Variants in KLHL23 observed in about 807,000 individuals in gnomAD.
KLHL23 encodes kelch-like protein 23.
In KLHL23, 33 loss-of-function variants were observed where a neutral mutation model predicts 48.9. The ratio of observed to expected loss-of-function variants is 0.67; its 90% CI spans 0.51 to 0.90. The LOEUF (loss-of-function observed/expected upper bound fraction) is 0.90, where lower values mean the gene tolerates loss of function less well. Ranked by LOEUF, KLHL23 falls within the 40% of genes least tolerant of loss-of-function variation. KLHL23 has a pLI of 0.00. For missense variants in KLHL23, 608 were observed against 669.6 expected, an observed-to-expected ratio of 0.91 and a Z score of 1.02; for synonymous variants, 234 against 231.6, an observed-to-expected ratio of 1.01 and a Z score of -0.09.
intron 2 of KLHL23, among the ~76,000 whole-genome samples, chr2:169,736,679 C>T (rs993031492): frequency 1.3e-5 from 2 of 151,986 alleles, no homozygotes; most frequent in African/African-American, 2.4e-5. Context: ...AGACACCATA[C>T]TCTCCCTCAT....
rs1476144803 is a variant in KLHL23 at position 169,749,712 on chromosome 2, G to C, written c.1657G>C (p.Val553Leu). The change falls in exon 4 of 4, where the codon GTT (valine) becomes CTT (leucine). Residue 553 changes from valine to leucine, a missense_variant. This residue lies in a region of KLHL23 where 179 missense variants were observed against 169.9 expected (regional missense o/e 1.05). Transcript: ENST00000392647. ...LPSAMRSHGCVCVYNV is the reference protein window; with the variant it reads ...LPSAMRSHGCLCVYNV Reference sequence around the variant, plus strand: ...CAGTGCCATGCGGTCTCATGGGTGTGTTTGTGTGTATAATGTCTAATTGAA... The same window carrying C: ...CAGTGCCATGCGGTCTCATGGGTGTCTTTGTGTGTATAATGTCTAATTGAA... The C allele has an allele frequency of 6.2e-7, 1 of 1,606,002 alleles. No individual in the cohort carries two copies. Among genetic ancestry groups the C allele is most frequent in the South Asian group, 1.1e-5 (1 of 90,708 alleles).
intron 3 of KLHL23, among the ~76,000 whole-genome samples, chr2:169,743,972 C>T (rs1688734189): frequency 6.6e-6 from 1 of 152,146 alleles, no homozygotes; most frequent in African/African-American, 2.4e-5. Context: ...GAAGAAATGA[C>T]TACTATTATT....
chr2:169,749,715 T>A lies in KLHL23; in HGVS notation c.1660T>A (p.Cys554Ser), dbSNP rs769757104. 3 of 1,605,924 alleles carry A rather than the reference T, an allele frequency of 1.9e-6. No homozygotes were observed. The change falls in exon 4 of 4, where the codon TGT (cysteine) becomes AGT (serine). Residue 554 changes from cysteine (C) to serine (S), a missense_variant. Around this residue, in one of 3 missense-constraint regions of KLHL23, gnomAD observed 179 missense variants for 169.9 expected, o/e 1.05. Coordinates refer to ENST00000392647, the MANE Select transcript of KLHL23 (RefSeq NM_144711.6). ...TGCCATGCGGTCTCATGGGTGTGTT[T>A]GTGTGTATAATGTCTAATTGAATCT... Reference protein sequence around the residue: ...PSAMRSHGCVCVYNV With the variant: ...PSAMRSHGCVSVYNV
Position 169,735,285 on chromosome 2 carries a change from C to T in KLHL23, c.271C>T (p.Leu91Phe), listed in dbSNP as rs986296868. Residue 91 changes from leucine (L) to phenylalanine (F), a missense_variant, in exon 2 of 4, where the codon CTT becomes TTT. Around this residue, in one of 3 missense-constraint regions of KLHL23, gnomAD observed 419 missense variants for 473.1 expected, o/e 0.89. Transcript: ENST00000392647. This position sits in a 1 kb window ranked among gnomAD's most constrained non-coding sequence, Gnocchi z 4.5. The part of the protein sequence containing the change: ...SGIHHDILEG[L>F]VNYAYTSQIE... Reference sequence around the variant, plus strand: ...CATCCACCATGATATTCTGGAAGGCCTTGTAAATTATGCATACACTTCCCA... The same window carrying T: ...CATCCACCATGATATTCTGGAAGGCTTTGTAAATTATGCATACACTTCCCA... 2 of 1,612,560 alleles carry T rather than the reference C, an allele frequency of 1.2e-6. No individual in the cohort carries two copies. The highest frequency in any genetic ancestry group is 2.2e-5 in the East Asian group (1 of 44,876).
At chr2:169,743,906 A>G (rs1336360439) in intron 3 of KLHL23, among the ~76,000 whole-genome samples, 1 of 152,232 alleles carries the variant, frequency 6.6e-6, no homozygotes, top group African/African-American at 2.4e-5. Context: ...GTACCTCCTG[A>G]GGAATTAAAA....
At position 169,741,407 on chromosome 2, in the gene KLHL23, T is replaced by C; in HGVS notation, c.1236T>C (p.Cys412=). ...TAGGTGTGGGAAATGCTACTGCCTG[T>C]GTCTTACATGATGTTATCTACGTCA... is the stretch of plus-strand genomic sequence containing the variant. ...MIKGVGNATA[C]VLHDVIYVIG... The change falls in exon 3 of 4, where the codon TGT becomes TGC. Residue 412 remains cysteine (C), a synonymous_variant. Transcript: ENST00000392647. The C allele has an allele frequency of 6.2e-7, 1 of 1,612,664 alleles. No homozygotes were observed. Among genetic ancestry groups the C allele is most frequent in the East Asian group, 2.2e-5 (1 of 44,864 alleles).
Position 169,749,660 on chromosome 2 carries a change from T to C in KLHL23, c.1605T>C (p.Asn535=), listed in dbSNP as rs778515711. ...QSIEKYDPDL[N]KWEIVGNLPS... ...TTGAGAAATATGATCCAGATCTTAA[T>C]AAGTGGGAAATAGTGGGTAATCTTC... is the stretch of plus-strand genomic sequence containing the variant. The change falls in exon 4 of 4, where the codon AAT becomes AAC. Residue 535 remains asparagine, a synonymous_variant. Coordinates refer to ENST00000392647, the MANE Select transcript of KLHL23 (RefSeq NM_144711.6). The C allele has an allele frequency of 1.4e-5, 22 of 1,613,958 alleles. No homozygotes were observed. In the South Asian group the frequency reaches 2.3e-4, roughly 17 times the overall value.
chr2:169,742,009 C>T (rs923509136), intron 3 of KLHL23, among the ~76,000 whole-genome samples: 9 of 152,186 alleles, frequency 5.9e-5, no homozygotes, highest in Admixed American at 5.9e-4. Flanking sequence ...CTACAATGTG[C>T]AGAGCCATAT....
intron 3 of KLHL23, among the ~76,000 whole-genome samples, chr2:169,749,004 T>C (rs1261375234): frequency 6.6e-6 from 1 of 152,118 alleles, no homozygotes; most frequent in African/African-American, 2.4e-5. Flanking sequence ...TTGCCTGCCA[T>C]TGGTTAAGGA....
intron 2 of KLHL23, among the ~76,000 whole-genome samples, chr2:169,740,638 C>G (rs1419772360): frequency 6.6e-6 from 1 of 150,676 alleles, no homozygotes; most frequent in African/African-American, 2.4e-5. Flanking sequence ...TTAGTAGAGA[C>G]GGGGTTTCAC....
chr2:169,750,649 TACTG>T lies in KLHL23; in HGVS notation c.*921_*924del, dbSNP rs1265489147. ...GTGTAATTTATTGTTACTCTCTATT[TACTG>T]ACTACCAGAGATATACAAAATACTG... On this transcript the variant is annotated 3_prime_UTR_variant, in exon 4 of 4. Transcript: ENST00000392647. 3 of 152,216 alleles carry T rather than the reference TACTG, an allele frequency of 2.0e-5. No individual in the cohort carries two copies. The highest frequency in any genetic ancestry group is 6.5e-5 in the Admixed American group (1 of 15,284). 9.4% of individuals were successfully genotyped at this position (152,216 alleles called of 1,614,324 possible).
chr2:169,742,318 A>G (rs1688694164), intron 3 of KLHL23, among the ~76,000 whole-genome samples: 2 of 152,340 alleles, frequency 1.3e-5, no homozygotes, highest in African/African-American at 4.8e-5. Flanking sequence ...AGGACTAGTA[A>G]TACTTACCAT....
intron 3 of KLHL23, among the ~76,000 whole-genome samples, chr2:169,746,558 G>A (rs1688797461): frequency 6.6e-6 from 1 of 152,220 alleles, no homozygotes; most frequent in African/African-American, 2.4e-5. Context: ...GGAGCACAGT[G>A]AGCAAGGCAC....
intron 3 of KLHL23, among the ~76,000 whole-genome samples, chr2:169,747,698 G>A (rs1574529538): frequency 6.6e-6 from 1 of 150,510 alleles, no homozygotes; most frequent in Non-Finnish European, 1.5e-5. Flanking sequence ...TGGGACACAA[G>A]CGTACAAAGT....
rs1491072053 is a variant in KLHL23, at chr2:169,749,973, A to ATATATACGTATGTATGTATACATATG, written c.*242_*243insATATACGTATGTATGTATACATATGT. 8.4e-6 allele frequency: 1 copy of ATATATACGTATGTATGTATACATATG among 118,914 alleles called. No homozygotes were observed. The highest frequency in any genetic ancestry group is 4.6e-5 in the African/African-American group (1 of 21,528). The allele number at this position is 118,914 out of a possible 1,614,324, so 7.4% of individuals were successfully genotyped here. On this transcript the variant is annotated 3_prime_UTR_variant, in exon 4 of 4. Transcript: ENST00000392647. ...TGTTCATATATATGTATACATATAT[A>ATATATACGTATGTATGTATACATATG]TGTGTATATATACGTATGTATACAT...
chr2:169,743,013 T>C (rs1232651840), intron 3 of KLHL23, among the ~76,000 whole-genome samples: 2 of 152,228 alleles, frequency 1.3e-5, no homozygotes, highest in African/African-American at 4.8e-5. Context: ...ATTATATAAA[T>C]TGCCCAAGGT....
intron 3 of KLHL23, among the ~76,000 whole-genome samples, chr2:169,743,921 A>T (rs895164379): frequency 6.6e-6 from 1 of 152,216 alleles, no homozygotes; most frequent in East Asian, 1.9e-4. Flanking sequence ...TTAAAATGTC[A>T]TCCTTGAGTT....
chr2:169,740,453 CTTT>C (rs35510038), intron 2 of KLHL23, among the ~76,000 whole-genome samples: 3 of 142,364 alleles, frequency 2.1e-5, no homozygotes. Flanking sequence ...ATTCTATAAG[CTTT>C]TTTTTTTTTT....
intron 2 of KLHL23, among the ~76,000 whole-genome samples, chr2:169,740,665 G>A (rs1011180106): frequency 6.7e-6 from 1 of 150,182 alleles, no homozygotes; most frequent in Non-Finnish European, 1.5e-5. Flanking sequence ...AGCCAGGATG[G>A]TCTCAATCTC....
Sources: gnomAD v4.1 joint callset for allele counts (sites outside exome capture counted in the v4.1 genomes callset) on GRCh38, gnomAD v4.1.1 for gene constraint, gnomAD v4.1.1 regional missense constraint, Gnocchi (gnomAD v3.1) non-coding constraint, MANE v1.5 for transcripts, NCBI Gene and HGNC (gene_info 2026-07-23, HGNC 2026-07-21) for gene names.